CDH18: variants seen among roughly 807,000 people sequenced by gnomAD.
CDH18 encodes the protein cadherin 18.
Under a neutral mutation model 67.9 loss-of-function variants are expected in CDH18, and 31 were observed. The ratio of observed to expected loss-of-function variants is 0.46; its 90% CI spans 0.34 to 0.62. The LOEUF (loss-of-function observed/expected upper bound fraction) is 0.62, where lower values mean the gene tolerates loss of function less well. Ranked by LOEUF, CDH18 falls within the 20% of genes least tolerant of loss-of-function variation. CDH18 has a pLI of 0.01. For synonymous variants in CDH18, 362 were observed against 347.2 expected (o/e 1.04, Z -0.48); for missense variants, 890 against 975.5 (o/e 0.91, Z 1.17).
chr5:20,345,276 T>G, intron 1 of CDH18, among the ~76,000 whole-genome samples: 1 of 152,162 alleles, frequency 6.6e-6, no homozygotes, highest in East Asian at 1.9e-4. Context: ...ATTGGGGTAC[T>G]ATTTTTTATA....
At chr5:20,202,431 T>G (rs1739522898) in intron 2 of CDH18, among the ~76,000 whole-genome samples, 1 of 152,136 alleles carries the variant, frequency 6.6e-6, no homozygotes, top group African/African-American at 2.4e-5. Context: ...GCTCTGTAGC[T>G]TTGTATAGCT....
At chr5:20,397,681 C>T (rs1745399987) in intron 1 of CDH18, among the ~76,000 whole-genome samples, 1 of 152,030 alleles carries the variant, frequency 6.6e-6, no homozygotes, top group Non-Finnish European at 1.5e-5. Context: ...TTCTAGTAAG[C>T]ATGCTGTGAG....
chr5:20,501,601 T>TATATA lies in CDH18; in HGVS notation c.-580+73856_-580+73860dup, dbSNP rs1554010576. Among the ~76,000 whole-genome samples the TATATA allele has an allele frequency of 4.0e-3, 311 of 77,160 alleles. 2 individuals carry two copies. Among genetic ancestry groups the TATATA allele is most frequent in the Non-Finnish European group, 6.3e-3 (245 of 38,892 alleles). 50.6% of individuals were successfully genotyped at this position (77,160 alleles called of 152,430 possible). Reference sequence around the variant, plus strand: ...ATATATTATATATATATATTATATATATATATATATATATGGAGATGGAGT... The same window carrying TATATA: ...ATATATTATATATATATATTATATATATATAATATATATATATATGGAGATGGAGT... On this transcript the variant is annotated intron_variant, in intron 1 of 14. Coordinates refer to the CDH18 transcript ENST00000507958.
At chr5:20,244,649 G>A (rs985527622) in intron 2 of CDH18, among the ~76,000 whole-genome samples, 3 of 152,086 alleles carry the variant, frequency 2.0e-5, no homozygotes, top group African/African-American at 7.2e-5. Flanking sequence ...AAGTAATAAA[G>A]TATGATTATG....
In CDH18 at chr5:20,555,408, C is replaced by CTTTTTTTTTTTTTTTTTTTTT. The variant is rs774396694; in HGVS notation, c.-580+20033_-580+20053dup. ...GCCAGAACCACCAAGACAAGCTTTT[C>CTTTTTTTTTTTTTTTTTTTTT]TTTTTTTTTTTTTTTTTTTTTTTTT... On this transcript the variant is annotated intron_variant, in intron 1 of 14. Transcript: ENST00000507958. Among the ~76,000 whole-genome samples the CTTTTTTTTTTTTTTTTTTTTT allele has an allele frequency of 2.9e-4, 30 of 103,654 alleles. 1 individual carries two copies. Among genetic ancestry groups the CTTTTTTTTTTTTTTTTTTTTT allele is most frequent in the African/African-American group, 4.5e-4 (11 of 24,366 alleles). 68.0% of individuals were successfully genotyped at this position (103,654 alleles called of 152,430 possible).
At chr5:19,780,564 T>C (rs1424031336) in intron 3 of CDH18, among the ~76,000 whole-genome samples, 3 of 152,178 alleles carry the variant, frequency 2.0e-5, no homozygotes, top group African/African-American at 7.2e-5. Flanking sequence ...ACACTGCTTC[T>C]AGACACTTTT....
chr5:19,575,683 G>A (rs1258307619), intron 7 of CDH18, among the ~76,000 whole-genome samples: 3 of 152,114 alleles, frequency 2.0e-5, no homozygotes, highest in East Asian at 1.9e-4. Flanking sequence ...TACTATATTC[G>A]TTTCCTAGGG....
intron 1 of CDH18, among the ~76,000 whole-genome samples, chr5:20,321,095 A>G (rs1205636974): frequency 6.6e-6 from 1 of 152,048 alleles, no homozygotes; most frequent in African/African-American, 2.4e-5. Flanking sequence ...TACAAAACAT[A>G]CTTTACAGAT....
chr5:20,016,242 A>G (rs1413426924), intron 2 of CDH18, among the ~76,000 whole-genome samples: 1 of 152,084 alleles, frequency 6.6e-6, no homozygotes, highest in African/African-American at 2.4e-5. Context: ...GTTCTCACTT[A>G]TAAGGGGGAG....
chr5:20,023,673 A>G (rs1297417460), intron 2 of CDH18, among the ~76,000 whole-genome samples: 1 of 151,994 alleles, frequency 6.6e-6, no homozygotes, highest in Non-Finnish European at 1.5e-5. Flanking sequence ...AAAAAAAAAA[A>G]AAAAAGAAAG....
At chr5:20,283,079 A>G (rs1746409548) in intron 1 of CDH18, among the ~76,000 whole-genome samples, 1 of 152,066 alleles carries the variant, frequency 6.6e-6, no homozygotes, top group Admixed American at 6.6e-5. Context: ...AGAAAAGTCA[A>G]ACTAGACCCC....
At chr5:20,435,411 C>T (rs1749092753) in intron 1 of CDH18, among the ~76,000 whole-genome samples, 1 of 152,014 alleles carries the variant, frequency 6.6e-6, no homozygotes, top group Non-Finnish European at 1.5e-5. Flanking sequence ...AATTCATGTC[C>T]ATCAGGGACT....
intron 2 of CDH18, among the ~76,000 whole-genome samples, chr5:20,188,760 A>T (rs754411914): frequency 3.4e-5 from 5 of 147,336 alleles, no homozygotes; most frequent in Admixed American, 6.9e-5. Context: ...GCACAAAACC[A>T]TCTGTAATCT....
chr5:20,118,674 C>T (rs1385277029), intron 2 of CDH18, among the ~76,000 whole-genome samples: 1 of 152,128 alleles, frequency 6.6e-6, no homozygotes, highest in East Asian at 1.9e-4. Flanking sequence ...GCTGTTTCAA[C>T]CTTCTCTGTC....
intron 2 of CDH18, among the ~76,000 whole-genome samples, chr5:20,248,344 A>C (rs988556630): frequency 1.3e-5 from 2 of 152,234 alleles, no homozygotes; most frequent in Non-Finnish European, 2.9e-5. Context: ...GTGCATAATC[A>C]CATTCTTTCT....
chr5:20,308,649 C>A (rs1181089220), intron 1 of CDH18, among the ~76,000 whole-genome samples: 1 of 151,834 alleles, frequency 6.6e-6, no homozygotes, highest in African/African-American at 2.4e-5. Context: ...GATAAAAGAA[C>A]CTACTAAGTT....
intron 11 of CDH18, among the ~76,000 whole-genome samples, chr5:19,493,838 C>A (rs1741865355): frequency 6.6e-6 from 1 of 152,100 alleles, no homozygotes; most frequent in South Asian, 2.1e-4. Context: ...ATAGCTCCAA[C>A]AGTTACATAG....
chr5:20,032,381 G>A (rs1296759798), intron 2 of CDH18, among the ~76,000 whole-genome samples: 1 of 151,860 alleles, frequency 6.6e-6, no homozygotes, highest in Admixed American at 6.6e-5. Context: ...TACAGAGATA[G>A]TAGAGATAAA....
chr5:20,383,892 C>T (rs532124773), intron 1 of CDH18, among the ~76,000 whole-genome samples: 13 of 152,092 alleles, frequency 8.5e-5, no homozygotes, highest in Admixed American at 7.2e-4. Context: ...GACTATAATA[C>T]AGGAATTGAT....
Sources: gnomAD v4.1 joint callset for allele counts (sites outside exome capture counted in the v4.1 genomes callset) on GRCh38, gnomAD v4.1.1 for gene constraint, MANE v1.5 for transcripts, NCBI Gene and HGNC (gene_info 2026-07-23, HGNC 2026-07-21) for gene names.